ZNF136: variants seen among roughly 807,000 people sequenced by gnomAD.
ZNF136 encodes zinc finger protein 136 (clone pHZ-20).
A neutral mutation model predicts 11.4 loss-of-function variants in ZNF136; 8 were observed. That is an observed-to-expected ratio of 0.70 (90% CI 0.41 to 1.27). The LOEUF is 1.27. Among genes scored for constraint, ZNF136 ranks in the 50% most tolerant of loss-of-function variants. The pLI, the probability that ZNF136 is intolerant of heterozygous loss-of-function variation, is 0.01. For missense variants in ZNF136, 590 were observed against 656.5 expected (o/e 0.90, Z 1.11); for synonymous variants, 190 against 207.1 (o/e 0.92, Z 0.71).
intron 1 of ZNF136, among the ~76,000 whole-genome samples, chr19:12,175,208 T>A (rs552924625): frequency 1.3e-5 from 2 of 151,218 alleles, no homozygotes; most frequent in African/African-American, 4.9e-5. Context: ...TTTTTTTTTT[T>A]GGGGGGGACA....
At chr19:12,185,677 A>G in intron 1 of ZNF136, 108 bp from the exon 2 acceptor site, 3 of 1,410,984 alleles carry the variant, frequency 2.1e-6, no homozygotes, top group Non-Finnish European at 2.9e-6. Context: ...ACAGTGGAGT[A>G]AATGTTTGCA....
Position 12,188,151 on chromosome 19 carries a change from G to C in ZNF136, c.*150G>C. ...GAAGCCATATACATGTAAGTAACATGGGAAAGCTTTCAATCATTTTAGTTC... is the reference window on the plus strand; with the variant it reads ...GAAGCCATATACATGTAAGTAACATCGGAAAGCTTTCAATCATTTTAGTTC... On this transcript the variant is annotated 3_prime_UTR_variant, in exon 4 of 4. Transcript: ENST00000343979. 1 of 548,578 alleles carries C rather than the reference G, an allele frequency of 1.8e-6. No homozygotes were observed. The highest frequency in any genetic ancestry group is 2.9e-6 in the Non-Finnish European group (1 of 345,926). The allele number at this position is 548,578 out of a possible 1,614,324, so 34.0% of individuals were successfully genotyped here.
chr19:12,168,051 CTTTTTCTTTTTTTTTTTTTTTT>C (rs1914526348), intron 1 of ZNF136, among the ~76,000 whole-genome samples: 1 of 61,676 alleles, frequency 1.6e-5, no homozygotes, highest in Non-Finnish European at 3.5e-5. Flanking sequence ...TTTTTCTTTT[CTTTTTCTTTTTTTTTTTTTTTT>C]TTTTTTTTTT....
At chr19:12,166,232 A>C (rs1471076647) in intron 1 of ZNF136, among the ~76,000 whole-genome samples, 3 of 152,092 alleles carry the variant, frequency 2.0e-5, no homozygotes, top group African/African-American at 7.3e-5. Flanking sequence ...CGTCTCAAAA[A>C]AAAAAAGAAA....
Position 12,186,052 on chromosome 19 carries a change from G to C in ZNF136, c.131-62G>C. 4 of 1,590,540 alleles carry C rather than the reference G, an allele frequency of 2.5e-6. No individual in the cohort carries two copies. The South Asian group carries it at 4.6e-5, about 18-fold the overall frequency. Reference sequence around the variant, plus strand: ...ATAGTCACAGGGTATCATGAACCTAGAATCTAATAATTTTTCTATAATTTT... The same window carrying C: ...ATAGTCACAGGGTATCATGAACCTACAATCTAATAATTTTTCTATAATTTT... On this transcript the variant is annotated intron_variant, in intron 2 of 3. Transcript: ENST00000343979.
At chr19:12,175,488 C>T (rs1158242817) in intron 1 of ZNF136, among the ~76,000 whole-genome samples, 2 of 152,168 alleles carry the variant, frequency 1.3e-5, no homozygotes, top group African/African-American at 4.8e-5. Flanking sequence ...AGCCACCACA[C>T]CCGGCCTTAT....
At chr19:12,168,811 A>G (rs1568397347) in intron 1 of ZNF136, among the ~76,000 whole-genome samples, 1 of 151,834 alleles carries the variant, frequency 6.6e-6, no homozygotes, top group Non-Finnish European at 1.5e-5. Context: ...AAGTAGCTAG[A>G]ATCACAAGTG....
At chr19:12,165,373 TAAC>T (rs1175856013) in intron 1 of ZNF136, among the ~76,000 whole-genome samples, 2 of 152,310 alleles carry the variant, frequency 1.3e-5, no homozygotes, top group African/African-American at 2.4e-5. Flanking sequence ...ATTCTTGCCT[TAAC>T]AACAAGTTCA....
At chr19:12,184,422 G>A (rs1478023691) in intron 1 of ZNF136, among the ~76,000 whole-genome samples, 4 of 152,052 alleles carry the variant, frequency 2.6e-5, no homozygotes, top group Non-Finnish European at 4.4e-5. Flanking sequence ...TTAGTCAGGC[G>A]TGGTGGCAGG....
At chr19:12,173,974 C>T (rs552100133) in intron 1 of ZNF136, among the ~76,000 whole-genome samples, 61 of 152,172 alleles carry the variant, frequency 4.0e-4, no homozygotes, top group Non-Finnish European at 5.1e-4. Flanking sequence ...GGCATGATCT[C>T]GGCTCACTGC....
Position 12,185,833 on chromosome 19 carries a change from T to A in ZNF136, c.52T>A (p.Trp18Arg), listed in dbSNP as rs746604709. The change falls in exon 2 of 4, where the codon TGG becomes AGG. Residue 18 changes from tryptophan (W) to arginine (R), a missense_variant. Coordinates refer to ENST00000343979, the MANE Select transcript of ZNF136 (RefSeq NM_003437.5). ...DVDVNFTQEE[W>R]ALLDPSQKNL... ...AGATGTGAACTTCACCCAGGAGGAG[T>A]GGGCTTTGCTAGATCCTTCCCAGAA... is the stretch of plus-strand genomic sequence containing the variant. The A allele has an allele frequency of 6.2e-7, 1 of 1,613,512 alleles. No individual in the cohort carries two copies. Among genetic ancestry groups the A allele is most frequent in the Non-Finnish European group, 8.5e-7 (1 of 1,179,866 alleles).
rs571919594 is a variant in ZNF136 at position 12,178,866 on chromosome 19, A to G, written c.4-6919A>G. On this transcript the variant is annotated intron_variant, in intron 1 of 3. Coordinates refer to ENST00000343979, the MANE Select transcript of ZNF136 (RefSeq NM_003437.5). The stretch of plus-strand genomic sequence containing the variant: ...TAGCCGGGCGTGGTGGCGGGCACCC[A>G]TAGTCCCTGCTACTCGGGAGGCTGA... Among the ~76,000 whole-genome samples the G allele has an allele frequency of 2.0e-4, 31 of 152,024 alleles. No individual in the cohort carries two copies. In the East Asian group the frequency reaches 5.8e-3, roughly 29 times the overall value.
At chr19:12,168,276 A>G (rs1471018067) in intron 1 of ZNF136, among the ~76,000 whole-genome samples, 1 of 151,448 alleles carries the variant, frequency 6.6e-6, no homozygotes, top group Non-Finnish European at 1.5e-5. Flanking sequence ...GTTTCACCAT[A>G]TTAGCCAGGC....
intron 1 of ZNF136, among the ~76,000 whole-genome samples, chr19:12,179,278 A>G (rs1245668415): frequency 6.6e-6 from 1 of 152,052 alleles, no homozygotes; most frequent in African/African-American, 2.4e-5. Flanking sequence ...GTGGTGTATC[A>G]ATAGGAGAGC....
chr19:12,181,051 A>G (rs1406640182), intron 1 of ZNF136, among the ~76,000 whole-genome samples: 1 of 152,168 alleles, frequency 6.6e-6, no homozygotes, highest in Admixed American at 6.5e-5. Flanking sequence ...CCCACCCTGT[A>G]CGATCTTGTG....
intron 1 of ZNF136, among the ~76,000 whole-genome samples, chr19:12,170,218 G>T (rs535095148): frequency 6.6e-6 from 1 of 151,042 alleles, no homozygotes; most frequent in Admixed American, 6.6e-5. Flanking sequence ...GTGAGCCACC[G>T]CGCCCGGCCT....
chr19:12,187,981 T>C lies in ZNF136; in HGVS notation c.1603T>C (p.Cys535Arg), dbSNP rs1198051838. The change falls in exon 4 of 4, where the codon TGC (cysteine) becomes CGC (arginine). Residue 535 changes from cysteine (C) to arginine (R), a missense_variant. By Grantham distance (180) the Cys-to-Arg change is radical (BLOSUM62 -3). Transcript: ENST00000343979. ...TGCTGAAGATGGACCACCTTATAAA[T>C]GCATGTGGGAAAGCCTTTAATGCTC... ...THAEDGPPYK[C>R]MWESL The C allele has an allele frequency of 1.3e-6, 2 of 1,527,104 alleles. No individual in the cohort carries two copies. Among genetic ancestry groups the C allele is most frequent in the South Asian group, 2.7e-5 (2 of 74,524 alleles). The allele number at this position is 1,527,104 out of a possible 1,614,324, so 94.6% of individuals were successfully genotyped here.
In ZNF136 at chr19:12,186,960, A is replaced by G. The variant is rs1222771216; in HGVS notation, c.582A>G (p.Thr194=). 1.9e-6 allele frequency: 3 copies of G among 1,614,004 alleles called. No individual in the cohort carries two copies. The highest frequency in any genetic ancestry group is 1.1e-5 in the South Asian group (1 of 91,088). The change falls in exon 4 of 4, where the codon ACA becomes ACG. Residue 194 remains threonine (T), a synonymous_variant. Transcript: ENST00000343979. ...ACATCATCACACACAGTGGATATAC[A>G]CCATATAAATGTAAGGTGTGTGGGA... ...RRHIITHSGY[T]PYKCKVCGKA... is the part of the protein sequence containing the mutation.
chr19:12,168,627 C>G (rs1214213212), intron 1 of ZNF136, among the ~76,000 whole-genome samples: 1 of 151,966 alleles, frequency 6.6e-6, no homozygotes, highest in Non-Finnish European at 1.5e-5. Context: ...TTCCAGGGGA[C>G]CCCCACTTCC....
Sources: allele counts gnomAD v4.1 joint callset (sites outside exome capture counted in the v4.1 genomes callset), GRCh38; gene constraint gnomAD v4.1.1; transcripts MANE v1.5; gene names NCBI Gene and HGNC (gene_info 2026-07-23, HGNC 2026-07-21).